MTERF3: variants seen among roughly 807,000 people sequenced by gnomAD.
MTERF3 encodes mitochondrial transcription termination factor 3.
In MTERF3, 40 loss-of-function variants were observed where a neutral mutation model predicts 40.5. The ratio of observed to expected loss-of-function variants is 0.99; its 90% CI spans 0.77 to 1.29. The LOEUF is 1.29. MTERF3 is among the 50% of genes most tolerant of loss of function. The pLI is 0.00. For missense variants in MTERF3, 452 were observed against 478.2 expected, an observed-to-expected ratio of 0.95 and a Z score of 0.51; for synonymous variants, 158 against 166.6, an observed-to-expected ratio of 0.95 and a Z score of 0.40.
At chr8:96,252,190 G>A (rs1372757811) in intron 3 of MTERF3, among the ~76,000 whole-genome samples, 1 of 152,102 alleles carries the variant, frequency 6.6e-6, no homozygotes, top group Non-Finnish European at 1.5e-5. Flanking sequence ...GCCCAGTCTC[G>A]GGTATGTCTT....
intron 1 of MTERF3, among the ~76,000 whole-genome samples, chr8:96,259,272 A>G (rs1249549658): frequency 6.6e-6 from 1 of 152,228 alleles, no homozygotes; most frequent in Non-Finnish European, 1.5e-5. Context: ...TTCTTGCTTC[A>G]TTCTCAGGGC....
Position 96,256,985 on chromosome 8 carries a change from G to C in MTERF3, c.464C>G (p.Thr155Ser), listed in dbSNP as rs199811648. Residue 155 changes from threonine (T) to serine (S), a missense_variant, in exon 3 of 8, where the codon ACT becomes AGT. Physicochemically the swap from Thr to Ser is moderately conservative, Grantham distance 58. Transcript: ENST00000287025. Reference sequence around the variant, plus strand: ...ACCTAGAAGAACCAACTTCTGCAGAGTCTCAGAATGATCCACATAGTCTCG... The same window carrying C: ...ACCTAGAAGAACCAACTTCTGCAGACTCTCAGAATGATCCACATAGTCTCG... ...TLRDYVDHSE[T>S]LQKLVLLGVD... 7.7e-5 allele frequency: 125 copies of C among 1,612,948 alleles called. No homozygotes were observed. The highest frequency in any genetic ancestry group is 9.8e-5 in the Non-Finnish European group (116 of 1,179,616).
chr8:96,258,739 T>A (rs1810328821), intron 1 of MTERF3, 39 bp from the exon 2 acceptor site: 1 of 1,400,872 alleles, frequency 7.1e-7, no homozygotes, highest in Non-Finnish European at 9.7e-7. Context: ...GAAGAGAAAT[T>A]TAATTTACTT....
chr8:96,244,394 G>A (rs1346347001), intron 6 of MTERF3, among the ~76,000 whole-genome samples: 2 of 150,766 alleles, frequency 1.3e-5, no homozygotes, highest in African/African-American at 2.4e-5. Flanking sequence ...GTGAGCCACC[G>A]CGCCTGGCCA....
chr8:96,245,968 C>A lies in MTERF3; in HGVS notation c.826-37G>T, dbSNP rs374109462. ...AACAAAACAATCTAGTATTACTATA[C>A]GTGCATCTTTAACTAGTTTGGAAAA... On this transcript the variant is annotated intron_variant, in intron 5 of 7. Transcript: ENST00000287025. The A allele has an allele frequency of 3.8e-6, 6 of 1,564,848 alleles. No homozygotes were observed. In the African/African-American group the frequency reaches 4.1e-5, roughly 11 times the overall value.
chr8:96,252,228 C>T (rs11995989), intron 3 of MTERF3, among the ~76,000 whole-genome samples: 3 of 152,126 alleles, frequency 2.0e-5, no homozygotes, highest in Admixed American at 6.5e-5. Flanking sequence ...CAGAATAATA[C>T]GCACACTCAA....
At chr8:96,245,983 A>G (rs1220738572) in intron 5 of MTERF3, 52 bp from the exon 6 acceptor site, 1 of 1,513,884 alleles carries the variant, frequency 6.6e-7, no homozygotes, top group South Asian at 1.2e-5. Flanking sequence ...ATCTTTAACT[A>G]GTTTGGAAAA....
intron 4 of MTERF3, among the ~76,000 whole-genome samples, chr8:96,250,251 G>T (rs772406085): frequency 2.6e-4 from 39 of 150,454 alleles, no homozygotes; most frequent in Non-Finnish European, 4.7e-4. Flanking sequence ...ACAAAAATTG[G>T]CCAGACAAAA....
chr8:96,245,166 G>A (rs1348274133), intron 6 of MTERF3, among the ~76,000 whole-genome samples: 1 of 152,020 alleles, frequency 6.6e-6, no homozygotes, highest in Non-Finnish European at 1.5e-5. Flanking sequence ...TCCTTGGGAG[G>A]AGAAGCTGTC....
At chr8:96,241,610 A>T (rs1046904441) in intron 7 of MTERF3, among the ~76,000 whole-genome samples, 8 of 151,996 alleles carry the variant, frequency 5.3e-5, no homozygotes, top group African/African-American at 1.9e-4. Context: ...AGAGTTGTGT[A>T]CTCTTTCAAG....
chr8:96,253,839 T>C (rs1810231233), intron 3 of MTERF3, among the ~76,000 whole-genome samples: 2 of 139,802 alleles, frequency 1.4e-5, no homozygotes, highest in Admixed American at 1.4e-4. Context: ...GACCTCCCTC[T>C]ATTTAAAAAA....
At position 96,259,637 on chromosome 8, in the gene MTERF3, G is replaced by A. The variant is rs529485065; in HGVS notation, c.-10-937C>T. On this transcript the variant is annotated intron_variant, in intron 1 of 7. Coordinates refer to ENST00000287025, the MANE Select transcript of MTERF3 (RefSeq NM_015942.5). ...TTATCCATATAAAACACAGGATGGA[G>A]TCAGGATATAAGAAATGCTCAATAA... Among the ~76,000 whole-genome samples, 280 of 152,256 alleles carry A rather than the reference G, an allele frequency of 1.8e-3. 1 individual carries two copies. The highest frequency in any genetic ancestry group is 6.4e-3 in the African/African-American group (265 of 41,546).
intron 7 of MTERF3, chr8:96,239,930 A>AT (rs1037630399): frequency 3.0e-6 from 2 of 661,432 alleles, no homozygotes; most frequent in Non-Finnish European, 5.4e-6. Flanking sequence ...TGCAAAGAAG[A>AT]TTGAGTGCTC....
chr8:96,258,260 AAAT>A, intron 2 of MTERF3, 94 bp downstream of exon 2: 2 of 1,435,960 alleles, frequency 1.4e-6, no homozygotes, highest in Non-Finnish European at 1.8e-6. Flanking sequence ...TCTTGGCACA[AAAT>A]ATTACCTGAA....
chr8:96,249,890 A>T (rs1810092008), intron 4 of MTERF3, among the ~76,000 whole-genome samples: 1 of 152,236 alleles, frequency 6.6e-6, no homozygotes, highest in Admixed American at 6.5e-5. Flanking sequence ...GCAAGTTAAT[A>T]CCAGTATTTC....
intron 1 of MTERF3, among the ~76,000 whole-genome samples, chr8:96,261,120 G>A (rs970894389): frequency 3.9e-5 from 6 of 152,144 alleles, no homozygotes; most frequent in African/African-American, 7.2e-5. Context: ...CTAGAAAAAG[G>A]CACTGAAATA....
chr8:96,243,987 T>C lies in MTERF3; in HGVS notation c.991A>G (p.Thr331Ala). The C allele has an allele frequency of 6.2e-7, 1 of 1,614,182 alleles. No homozygotes were observed. The change falls in exon 7 of 8, where the codon ACC becomes GCC. Residue 331 changes from threonine (T) to alanine (A), a missense_variant. By Grantham distance (58) the Thr-to-Ala change is moderately conservative. Coordinates refer to ENST00000287025, the MANE Select transcript of MTERF3 (RefSeq NM_015942.5). ...TTGTGCACAAAATCAAACGTCTCGG[T>C]AAGTTTCATTTTATTTGCAGTTAAC... ...KMLTANKMKLTETFDFVHNVM... is the reference protein window; with the variant it reads ...KMLTANKMKLAETFDFVHNVM...
rs111848925 is a variant in MTERF3 at position 96,248,585 on chromosome 8, GAC to G, written c.678-2133_678-2132del. Among the ~76,000 whole-genome samples, 1,379 of 152,276 alleles carry G rather than the reference GAC, an allele frequency of 9.1e-3. 18 individuals are homozygous for G. Among genetic ancestry groups the G allele is most frequent in the African/African-American group, 0.031 (1,289 of 41,552 alleles). On this transcript the variant is annotated intron_variant, in intron 4 of 7. Coordinates refer to ENST00000287025, the MANE Select transcript of MTERF3 (RefSeq NM_015942.5). ...ATAGGTGGGTCTTGAAAGGCCAAGG[GAC>G]AAAGTAGGAGAAAAGGAGGTATTAC...
intron 7 of MTERF3, 57 bp downstream of exon 7, chr8:96,243,862 C>T (rs1809972389): frequency 1.3e-6 from 2 of 1,560,392 alleles, no homozygotes; most frequent in Non-Finnish European, 8.8e-7. Context: ...AGCTGGAGAG[C>T]AGCTCCAAAT....
Sources: allele counts gnomAD v4.1 joint callset (sites outside exome capture counted in the v4.1 genomes callset), GRCh38; gene constraint gnomAD v4.1.1; transcripts MANE v1.5; gene names NCBI Gene and HGNC (gene_info 2026-07-23, HGNC 2026-07-21).